Variants in GNG7 observed in about 807,000 individuals in gnomAD.
The protein encoded by GNG7 is guanine nucleotide-binding protein G(I)/G(S)/G(O) subunit gamma-7.
Under a neutral mutation model 4.0 loss-of-function variants are expected in GNG7, and 1 was observed. That is an observed-to-expected ratio of 0.25 (90% CI 0.09 to 1.18). The LOEUF is 1.18. Among genes scored for constraint, GNG7 ranks in the 50% most tolerant of loss-of-function variants. GNG7 has a pLI of 0.50. For synonymous variants in GNG7, 34 were observed against 36.9 expected (o/e 0.92, Z 0.29); for missense variants, 86 against 91.9 (o/e 0.94, Z 0.26).
At chr19:2,663,378 A>G (rs1040149565) in intron 1 of GNG7, among the ~76,000 whole-genome samples, 3 of 145,034 alleles carry the variant, frequency 2.1e-5, no homozygotes, top group African/African-American at 7.8e-5. Flanking sequence ...CAGTTCCCCA[A>G]TCTTTCATAT....
chr19:2,567,062 G>T (rs1979933529), intron 2 of GNG7, among the ~76,000 whole-genome samples: 1 of 149,844 alleles, frequency 6.7e-6, no homozygotes, highest in Admixed American at 6.7e-5. Flanking sequence ...CCGAGATCGC[G>T]CCACTGCAGT....
chr19:2,511,710 G>T lies in GNG7; in HGVS notation c.*3312C>A, dbSNP rs1218173346. ...AGGCCTAGCGTTGCGCCTCGGACAC[G>T]GTGGCCGGCCCGTCAAAGGGACCAC... On this transcript the variant is annotated 3_prime_UTR_variant, in exon 5 of 5. Transcript: ENST00000382159. The surrounding 1 kb of genome is among the most constrained non-coding windows in gnomAD (Gnocchi z 6.3). The T allele has an allele frequency of 1.3e-6, 1 of 762,242 alleles. No individual in the cohort carries two copies. Among genetic ancestry groups the T allele is most frequent in the Non-Finnish European group, 1.6e-6 (1 of 625,964 alleles). 47.2% of individuals were successfully genotyped at this position (762,242 alleles called of 1,614,324 possible). A position where few individuals can be genotyped will look rare whatever the true frequency, so the allele number is the denominator to read the frequency against.
Position 2,653,867 on chromosome 19 carries a change from C to A in GNG7, c.-134-7587G>T, listed in dbSNP as rs1385359337. On this transcript the variant is annotated intron_variant, in intron 1 of 4. Transcript: ENST00000382159. This position sits in a 1 kb window ranked among gnomAD's most constrained non-coding sequence, Gnocchi z 4.8. Reference sequence around the variant, plus strand: ...CCCCTTGGCACCACCCAGGCGCTGTCCCTGGCCTCGCCCATGGCTAACCTT... The same window carrying A: ...CCCCTTGGCACCACCCAGGCGCTGTACCTGGCCTCGCCCATGGCTAACCTT... Among the ~76,000 whole-genome samples the A allele has an allele frequency of 6.6e-6, 1 of 152,232 alleles. No individual in the cohort carries two copies. The highest frequency in any genetic ancestry group is 1.5e-5 in the Non-Finnish European group (1 of 68,042).
intron 2 of GNG7, among the ~76,000 whole-genome samples, chr19:2,579,782 G>A (rs1428581668): frequency 6.6e-6 from 1 of 152,186 alleles, no homozygotes; most frequent in Non-Finnish European, 1.5e-5. Context: ...GAACTCTGTG[G>A]ATGGGTGTCC....
intron 2 of GNG7, among the ~76,000 whole-genome samples, chr19:2,599,649 G>A (rs1312353163): frequency 6.6e-6 from 1 of 152,158 alleles, no homozygotes; most frequent in East Asian, 1.9e-4. Flanking sequence ...TGAAAACCGG[G>A]GGTTAGGCCG....
chr19:2,661,272 A>AGG (rs1226544423), intron 1 of GNG7, among the ~76,000 whole-genome samples: 76 of 46,476 alleles, frequency 1.6e-3, no homozygotes, highest in Middle Eastern at 0.012. Context: ...AAAGAAAGAA[A>AGG]AGAAAGAAAG....
chr19:2,551,486 C>A (rs1288920244), intron 3 of GNG7, among the ~76,000 whole-genome samples: 1 of 108,894 alleles, frequency 9.2e-6, no homozygotes, highest in Non-Finnish European at 1.8e-5. Flanking sequence ...CCCTGCCGTG[C>A]TGGTAAATTA....
At chr19:2,572,357 T>C (rs1980173462) in intron 2 of GNG7, among the ~76,000 whole-genome samples, 1 of 152,188 alleles carries the variant, frequency 6.6e-6, no homozygotes, top group South Asian at 2.1e-4. Context: ...TTCGCTACGT[T>C]GCCTAGGCTG....
At chr19:2,574,278 CCT>C (rs1980241405) in intron 2 of GNG7, among the ~76,000 whole-genome samples, 2 of 152,142 alleles carry the variant, frequency 1.3e-5, no homozygotes, top group Admixed American at 6.6e-5. Context: ...CCTTCCTCTC[CCT>C]CTCTCTTTTC....
At chr19:2,516,517 C>G (rs931950601) in intron 4 of GNG7, among the ~76,000 whole-genome samples, 1 of 152,138 alleles carries the variant, frequency 6.6e-6, no homozygotes, top group African/African-American at 2.4e-5. Flanking sequence ...AGCCACGGCA[C>G]CTGGCCTAAA....
At chr19:2,624,727 T>C (rs1981973369) in intron 2 of GNG7, among the ~76,000 whole-genome samples, 1 of 151,780 alleles carries the variant, frequency 6.6e-6, no homozygotes, top group Non-Finnish European at 1.5e-5. Flanking sequence ...TGCAGGAGGC[T>C]GAGCCCAGCA....
intron 1 of GNG7, among the ~76,000 whole-genome samples, chr19:2,663,503 T>C: frequency 6.6e-6 from 1 of 152,198 alleles, no homozygotes; most frequent in Non-Finnish European, 1.5e-5. Flanking sequence ...ATCTCTATTA[T>C]TTATAAATTA....
intron 4 of GNG7, among the ~76,000 whole-genome samples, chr19:2,516,723 C>T (rs755806241): frequency 1.1e-4 from 17 of 152,194 alleles, no homozygotes; most frequent in Non-Finnish European, 2.1e-4. Flanking sequence ...CGGTGACACC[C>T]GGCCAGGGGG....
At chr19:2,646,929 G>A (rs549355211) in intron 1 of GNG7, among the ~76,000 whole-genome samples, 1 of 152,296 alleles carries the variant, frequency 6.6e-6, no homozygotes, top group Non-Finnish European at 1.5e-5. Flanking sequence ...TGCCCAGAAG[G>A]CACCCAACGT....
intron 1 of GNG7, among the ~76,000 whole-genome samples, chr19:2,676,705 C>T (rs1271485063): frequency 2.0e-5 from 3 of 152,192 alleles, no homozygotes; most frequent in Admixed American, 6.5e-5. Flanking sequence ...TGTGAGGCAT[C>T]GCGCCCAGCC....
At chr19:2,528,629 G>C (rs1302591691) in intron 3 of GNG7, among the ~76,000 whole-genome samples, 1 of 152,152 alleles carries the variant, frequency 6.6e-6, no homozygotes, top group Non-Finnish European at 1.5e-5. Context: ...TGTGAGCCCC[G>C]TTGCATTTGA....
chr19:2,622,827 G>A (rs1035249630), intron 2 of GNG7, among the ~76,000 whole-genome samples: 2 of 152,260 alleles, frequency 1.3e-5, no homozygotes, highest in African/African-American at 4.8e-5. Context: ...CAGAGAGGGG[G>A]CTTCCGGGAA....
At chr19:2,698,009 A>T (rs1482941595) in intron 1 of GNG7, among the ~76,000 whole-genome samples, 1 of 148,860 alleles carries the variant, frequency 6.7e-6, no homozygotes, top group Non-Finnish European at 1.5e-5. Context: ...GCTCATGCTT[A>T]TAATCCCAGC....
chr19:2,658,352 T>C (rs1316979899), intron 1 of GNG7, among the ~76,000 whole-genome samples: 2 of 152,196 alleles, frequency 1.3e-5, no homozygotes, highest in Non-Finnish European at 2.9e-5. Context: ...CTCTTTGTTA[T>C]TTGTTTTTTT....
Sources: gnomAD v4.1 joint callset for allele counts (sites outside exome capture counted in the v4.1 genomes callset) on GRCh38, gnomAD v4.1.1 for gene constraint, Gnocchi (gnomAD v3.1) non-coding constraint, MANE v1.5 for transcripts, NCBI Gene and HGNC (gene_info 2026-07-23, HGNC 2026-07-21) for gene names.